Variants in PHEX observed in about 807,000 individuals in gnomAD.
PHEX encodes the protein phosphate regulating endopeptidase X-linked, also known as phosphate-regulating neutral endopeptidase PHEX.
Under a neutral mutation model 68.0 loss-of-function variants are expected in PHEX, and 16 were observed. The observed-to-expected ratio is 0.24, with a 90% CI of 0.16 to 0.36. The LOEUF is 0.36. PHEX is among the 10% of genes least tolerant of loss of function. The probability of loss-of-function intolerance (pLI) is 1.00; values close to 1 mark genes in which losing one functional copy is unlikely to be tolerated. For synonymous variants in PHEX, 208 were observed against 205.1 expected (o/e 1.01, Z -0.12); for missense variants, 480 against 575.5 (o/e 0.83, Z 1.70).
intron 14 of PHEX, among the ~76,000 whole-genome samples, chrX:22,183,801 T>C (rs1175203186): frequency 1.8e-5 from 2 of 111,755 alleles, no homozygotes; most frequent in African/African-American, 6.5e-5. Flanking sequence ...CTCCTGCATA[T>C]TGGCAATACA....
chrX:22,045,177 T>C (rs1259840431), intron 2 of PHEX, among the ~76,000 whole-genome samples: 1 of 111,647 alleles, frequency 9.0e-6, no homozygotes, highest in African/African-American at 3.3e-5. Flanking sequence ...TGGAGAAATA[T>C]CTAGCCTTAT....
At chrX:22,065,147 G>T (rs1928536964) in intron 3 of PHEX, among the ~76,000 whole-genome samples, 1 of 112,358 alleles carries the variant, frequency 8.9e-6, no homozygotes, top group African/African-American at 3.2e-5. Flanking sequence ...ATTGATATTT[G>T]CAGTGAGAGG....
chrX:22,097,078 C>A, intron 8 of PHEX, 40 bp downstream of exon 8: 1 of 927,805 alleles, frequency 1.1e-6, no homozygotes, highest in Non-Finnish European at 1.6e-6. Context: ...CTCAACTCAT[C>A]ATTTTAGAAG....
intron 6 of PHEX, among the ~76,000 whole-genome samples, chrX:22,092,625 G>A (rs1017243121): frequency 9.1e-5 from 10 of 109,886 alleles, no homozygotes; most frequent in Non-Finnish European, 1.5e-4. Flanking sequence ...TGCCCACCTC[G>A]GCCTCCCAAA....
chrX:22,088,595 T>A (rs180710809), intron 5 of PHEX, among the ~76,000 whole-genome samples: 1 of 111,980 alleles, frequency 8.9e-6, no homozygotes, highest in African/African-American at 3.2e-5. Context: ...TCTATCTTCA[T>A]ATGTTCTTTG....
Position 22,249,455 on chromosome X carries a change from A to AAAAATATATAT in PHEX, c.*1503_*1504insAAATATATATA. The AAAAATATATAT allele has an allele frequency of 1.9e-3, 77 of 39,734 alleles. 1 individual carries two copies. The highest frequency in any genetic ancestry group is 2.4e-3 in the Non-Finnish European group (59 of 24,457). 3.3% of individuals were successfully genotyped at this position (39,734 alleles called of 1,213,427 possible). A position where few individuals can be genotyped will look rare whatever the true frequency, so the allele number is the denominator to read the frequency against. ...TTGTGATTCTTTTAAAAAAAAAAAA[A>AAAAATATATAT]ATATATATATATATATATATATATA... On this transcript the variant is annotated 3_prime_UTR_variant, in exon 22 of 22. Coordinates refer to ENST00000379374, the MANE Select transcript of PHEX (RefSeq NM_000444.6).
At chrX:22,120,532 T>TTAAATA (rs1168349688) in intron 11 of PHEX, among the ~76,000 whole-genome samples, 1 of 112,267 alleles carries the variant, frequency 8.9e-6, no homozygotes, top group African/African-American at 3.2e-5. Context: ...TTTCAAAATT[T>TTAAATA]TAAATATAAA....
rs1449586196 is a variant in PHEX at position 22,250,114 on chromosome X, G to GAACAAAAC, written c.*2168_*2175dup. Reference sequence around the variant, plus strand: ...GGATGTCCATTACTCAAACAAAGCAGAACAAAACAACAAACCAAAAGCAGC... The same window carrying GAACAAAAC: ...GGATGTCCATTACTCAAACAAAGCAGAACAAAACAACAAAACAACAAACCAAAAGCAGC... On this transcript the variant is annotated 3_prime_UTR_variant, in exon 22 of 22. Coordinates refer to ENST00000379374, the MANE Select transcript of PHEX (RefSeq NM_000444.6). The GAACAAAAC allele has an allele frequency of 1.3e-4, 14 of 111,862 alleles. No homozygotes were observed. The highest frequency in any genetic ancestry group is 3.7e-4 in the South Asian group (1 of 2,670). The allele number at this position is 111,862 out of a possible 1,213,427, so 9.2% of individuals were successfully genotyped here.
intron 3 of PHEX, among the ~76,000 whole-genome samples, chrX:22,047,541 A>T (rs778470399): frequency 1.1e-4 from 12 of 112,111 alleles, no homozygotes; most frequent in Non-Finnish European, 1.3e-4. Flanking sequence ...ATTCAGAGTA[A>T]ACTTCATTTC....
intron 9 of PHEX, among the ~76,000 whole-genome samples, 161 bp from the exon 10 acceptor site, chrX:22,111,306 A>G (rs1187065419): frequency 1.8e-5 from 2 of 112,176 alleles, no homozygotes; most frequent in African/African-American, 3.2e-5. Flanking sequence ...GCTTATTGAC[A>G]TTGTATCATC....
intron 12 of PHEX, among the ~76,000 whole-genome samples, chrX:22,137,049 G>A (rs186988131): frequency 5.4e-5 from 6 of 111,816 alleles, no homozygotes; most frequent in African/African-American, 2.0e-4. Context: ...GACCACAGCT[G>A]TTGAATGAGT....
intron 15 of PHEX, among the ~76,000 whole-genome samples, chrX:22,206,228 G>A (rs993774173): frequency 1.8e-5 from 2 of 111,846 alleles, no homozygotes; most frequent in Non-Finnish European, 3.8e-5. Flanking sequence ...AATTCAAGAA[G>A]TAATACATTG....
intron 11 of PHEX, among the ~76,000 whole-genome samples, chrX:22,127,025 C>G (rs755663868): frequency 1.9e-5 from 2 of 108,042 alleles, no homozygotes; most frequent in Non-Finnish European, 3.8e-5. Context: ...TTGCCCGCCA[C>G]CATGCCTGGC....
chrX:22,147,858 A>G (rs1932755839), intron 12 of PHEX, among the ~76,000 whole-genome samples: 1 of 111,015 alleles, frequency 9.0e-6, no homozygotes, highest in Non-Finnish European at 1.9e-5. Flanking sequence ...CTTTTTAAAA[A>G]ATGAAATTTA....
At chrX:22,086,938 TA>T (rs756459794) in intron 5 of PHEX, among the ~76,000 whole-genome samples, 1 of 112,488 alleles carries the variant, frequency 8.9e-6, no homozygotes, top group African/African-American at 3.2e-5. Context: ...TGCAAGGATT[TA>T]AAAAATCTCA....
chrX:22,068,624 G>A (rs956836522), intron 3 of PHEX, among the ~76,000 whole-genome samples: 1 of 111,872 alleles, frequency 8.9e-6, no homozygotes, highest in Admixed American at 9.5e-5. Flanking sequence ...TTTCTTGCCT[G>A]CACAATGGAG....
intron 5 of PHEX, among the ~76,000 whole-genome samples, chrX:22,086,768 C>T (rs1929646017): frequency 8.9e-6 from 1 of 111,794 alleles, no homozygotes; most frequent in African/African-American, 3.2e-5. Context: ...TTTGTAAGCT[C>T]TTTCTTCTTG....
At chrX:22,176,402 A>AAAAT (rs1556067472) in intron 13 of PHEX, among the ~76,000 whole-genome samples, 8 of 57,843 alleles carry the variant, frequency 1.4e-4, no homozygotes, top group Non-Finnish European at 2.4e-4. Context: ...AAAAAAAAAA[A>AAAAT]ATATATATAT....
intron 3 of PHEX, among the ~76,000 whole-genome samples, chrX:22,057,463 G>A (rs1324652683): frequency 2.7e-5 from 3 of 111,055 alleles, no homozygotes; most frequent in Non-Finnish European, 5.7e-5. Flanking sequence ...CTGGTGGCAT[G>A]TATCTGTAGT....
Sources: allele counts gnomAD v4.1 joint callset (sites outside exome capture counted in the v4.1 genomes callset), GRCh38; gene constraint gnomAD v4.1.1; transcripts MANE v1.5; gene names NCBI Gene and HGNC (gene_info 2026-07-23, HGNC 2026-07-21).